Variants in CAPN13 observed in about 807,000 individuals in gnomAD.
CAPN13 encodes calpain-13.
CAPN13 carries 90 observed loss-of-function variants against 98.4 expected under a neutral mutation model. The observed-to-expected ratio is 0.92, with a 90% CI of 0.77 to 1.09. The LOEUF (loss-of-function observed/expected upper bound fraction) is 1.09, where lower values mean the gene tolerates loss of function less well. CAPN13 is among the 50% of genes least tolerant of loss of function. The probability of loss-of-function intolerance (pLI) is 0.00; values close to 1 mark genes in which losing one functional copy is unlikely to be tolerated. For missense variants in CAPN13, 887 were observed against 841.3 expected (o/e 1.05, Z -0.67); for synonymous variants, 330 against 305.5 (o/e 1.08, Z -0.84).
chr2:30,799,782 A>C (rs912397295), intron 1 of CAPN13, among the ~76,000 whole-genome samples: 3 of 152,168 alleles, frequency 2.0e-5, no homozygotes, highest in African/African-American at 7.2e-5. Flanking sequence ...AGATGTAGAA[A>C]GCTACACAGG....
chr2:30,784,647 T>A, intron 2 of CAPN13, among the ~76,000 whole-genome samples: 1 of 152,174 alleles, frequency 6.6e-6, no homozygotes, highest in East Asian at 1.9e-4. Context: ...GGACATAAGC[T>A]TATGATGAGG....
chr2:30,785,013 G>A (rs1465946674), intron 2 of CAPN13, among the ~76,000 whole-genome samples: 1 of 152,176 alleles, frequency 6.6e-6, no homozygotes, highest in Admixed American at 6.5e-5. Context: ...GAAGGGGTGA[G>A]TACATTGGCT....
chr2:30,738,176 G>C (rs754515745), intron 17 of CAPN13, 59 bp downstream of exon 17: 1 of 1,579,304 alleles, frequency 6.3e-7, no homozygotes, highest in African/African-American at 1.3e-5. Context: ...TAGGTCTCTG[G>C]GGAAGCCCAC....
chr2:30,776,402 A>G (rs185956106), intron 3 of CAPN13, among the ~76,000 whole-genome samples: 1,689 of 152,182 alleles, frequency 0.011, 30 homozygotes, highest in African/African-American at 0.039. Context: ...TAGTGGAGAC[A>G]GGGTTTCACC....
Position 30,794,149 on chromosome 2 carries a change from G to A in CAPN13, c.-32-6792C>T, listed in dbSNP as rs115589456. Among the ~76,000 whole-genome samples the A allele has an allele frequency of 8.6e-3, 1,291 of 150,602 alleles. 13 individuals carry two copies. Among genetic ancestry groups the A allele is most frequent in the African/African-American group, 0.03 (1,231 of 41,066 alleles). On this transcript the variant is annotated intron_variant, in intron 1 of 22. Coordinates refer to ENST00000295055, the MANE Select transcript of CAPN13 (RefSeq NM_144575.3). ...GACTACGTGAAAATATTTGCAGCACGTATATCAGACAAAGGACTTGAATCC... is the reference window on the plus strand; with the variant it reads ...GACTACGTGAAAATATTTGCAGCACATATATCAGACAAAGGACTTGAATCC...
At chr2:30,735,064 A>C in intron 18 of CAPN13, among the ~76,000 whole-genome samples, 1 of 152,288 alleles carries the variant, frequency 6.6e-6, no homozygotes, top group South Asian at 2.1e-4. Flanking sequence ...GTCTATAGAA[A>C]ATATTGAAAG....
At chr2:30,746,649 TG>T in intron 11 of CAPN13, 1 of 215,218 alleles carries the variant, frequency 4.6e-6, no homozygotes, top group Non-Finnish European at 9.5e-6. Context: ...GATAGTTTTA[TG>T]GAATGGATCA....
intron 9 of CAPN13, among the ~76,000 whole-genome samples, chr2:30,753,871 A>T (rs1238360110): frequency 2.6e-5 from 4 of 152,114 alleles, no homozygotes; most frequent in Non-Finnish European, 4.4e-5. Context: ...GATGAAGTCC[A>T]TGTCTCACCC....
At chr2:30,796,144 G>GTATATATATA (rs143244491) in intron 1 of CAPN13, among the ~76,000 whole-genome samples, 1 of 138,016 alleles carries the variant, frequency 7.2e-6, no homozygotes, top group Non-Finnish European at 1.5e-5. Context: ...ATATATGTGT[G>GTATATATATA]TATATATATA....
intron 1 of CAPN13, among the ~76,000 whole-genome samples, chr2:30,796,025 A>G (rs1451594687): frequency 6.6e-6 from 1 of 151,622 alleles, no homozygotes; most frequent in Non-Finnish European, 1.5e-5. Context: ...TAAAGCTGGT[A>G]TCTGTATTAG....
At chr2:30,757,585 AC>A (rs1450748660) in intron 8 of CAPN13, among the ~76,000 whole-genome samples, 28 of 152,280 alleles carry the variant, frequency 1.8e-4, no homozygotes, top group Non-Finnish European at 2.2e-4. Context: ...CAGTTAGGAC[AC>A]CTTTTCCACC....
chr2:30,727,380 C>G (rs1428135309), intron 22 of CAPN13, among the ~76,000 whole-genome samples: 1 of 152,130 alleles, frequency 6.6e-6, no homozygotes, highest in Non-Finnish European at 1.5e-5. Context: ...CAAAGACAAC[C>G]TGCAGAAGGG....
At chr2:30,786,026 G>C (rs534040987) in intron 2 of CAPN13, among the ~76,000 whole-genome samples, 3 of 130,528 alleles carry the variant, frequency 2.3e-5, no homozygotes, top group African/African-American at 3.8e-5. Context: ...CCCCAACGTA[G>C]GGCAAGAGGT....
At chr2:30,747,197 G>GC (rs1238004758) in intron 11 of CAPN13, among the ~76,000 whole-genome samples, 25 of 152,322 alleles carry the variant, frequency 1.6e-4, no homozygotes, top group Non-Finnish European at 1.3e-4. Context: ...GGTTTGCAAA[G>GC]CACTTTTATG....
chr2:30,804,134 G>A (rs1186829907), intron 1 of CAPN13, among the ~76,000 whole-genome samples: 1 of 152,214 alleles, frequency 6.6e-6, no homozygotes, highest in Non-Finnish European at 1.5e-5. Flanking sequence ...TCCAACTGGA[G>A]TTCAGTATGG....
rs1362153190 is a variant in CAPN13, at chr2:30,741,900, T to A, written c.1536+8A>T. The A allele has an allele frequency of 2.3e-5, 37 of 1,613,778 alleles. No individual in the cohort carries two copies. The highest frequency in any genetic ancestry group is 3.3e-4 in the Middle Eastern group (2 of 6,074). ...CCACGTAAGGCCCCTGGGTGCTAGG[T>A]ACCATACCTGCTGAGCATATCTGTT... On this transcript the variant is annotated splice_region_variant and intron_variant, in intron 15 of 22. Transcript: ENST00000295055.
At chr2:30,799,954 G>C (rs906484864) in intron 1 of CAPN13, among the ~76,000 whole-genome samples, 101 of 151,854 alleles carry the variant, frequency 6.7e-4, no homozygotes, top group Non-Finnish European at 3.2e-4. Context: ...GACGCCTGCA[G>C]TCCCAGCTAC....
At chr2:30,732,068 C>T (rs749466935) in intron 20 of CAPN13, among the ~76,000 whole-genome samples, 4 of 152,220 alleles carry the variant, frequency 2.6e-5, no homozygotes, top group Non-Finnish European at 5.9e-5. Flanking sequence ...GGACCTCCTG[C>T]CCCTACTTAT....
At chr2:30,775,899 C>G (rs749349561) in intron 4 of CAPN13, 31 bp downstream of exon 4, 30 of 1,518,394 alleles carry the variant, frequency 2.0e-5, no homozygotes, top group Non-Finnish European at 2.5e-5. Flanking sequence ...AGAACCCCAT[C>G]ATATAATGAG....
Sources: gnomAD v4.1 joint callset for allele counts (sites outside exome capture counted in the v4.1 genomes callset) on GRCh38, gnomAD v4.1.1 for gene constraint, MANE v1.5 for transcripts, NCBI Gene and HGNC (gene_info 2026-07-23, HGNC 2026-07-21) for gene names.